TMEM201: variants seen among roughly 807,000 people sequenced by gnomAD.
The protein encoded by TMEM201 is RP13-15M17.2.
Under a neutral mutation model 63.4 loss-of-function variants are expected in TMEM201, and 26 were observed. The ratio of observed to expected loss-of-function variants is 0.41; its 90% CI spans 0.30 to 0.57. The LOEUF (loss-of-function observed/expected upper bound fraction) is 0.57, where lower values mean the gene tolerates loss of function less well. Among genes scored for constraint, TMEM201 ranks in the 20% least tolerant of loss-of-function variants. TMEM201 has a pLI of 0.29. For missense variants in TMEM201, 794 were observed against 917.7 expected (o/e 0.87, Z 1.74); for synonymous variants, 417 against 421.6 (o/e 0.99, Z 0.14).
In TMEM201 at chr1:9,610,285, G is replaced by A. The variant is rs1557562679; in HGVS notation, c.1466-221G>A. On this transcript the variant is annotated intron_variant, in intron 8 of 10. Coordinates refer to ENST00000340381, the MANE Select transcript of TMEM201 (RefSeq NM_001130924.3). The surrounding 1 kb of genome is among the most constrained non-coding windows in gnomAD (Gnocchi z 4.9). ...CTTTGGATGGAAATCAAGGGCAGAA[G>A]GCCATGGCTGAGGCTCCGGGATCTC... Among the ~76,000 whole-genome samples the A allele has an allele frequency of 6.6e-6, 1 of 152,154 alleles. No individual in the cohort carries two copies. Among genetic ancestry groups the A allele is most frequent in the Non-Finnish European group, 1.5e-5 (1 of 68,020 alleles).
chr1:9,602,643 G>C, intron 6 of TMEM201: 2 of 1,170,146 alleles, frequency 1.7e-6, no homozygotes, highest in Admixed American at 7.7e-5. Context: ...CACGCCGTTT[G>C]CTGGCTCTGA....
rs1242560136 is a variant in TMEM201 at position 9,604,217 on chromosome 1, A to G, written c.1160+1945A>G. On this transcript the variant is annotated intron_variant, in intron 6 of 10. Coordinates refer to ENST00000340381, the MANE Select transcript of TMEM201 (RefSeq NM_001130924.3). The surrounding 1 kb of genome is among the most constrained non-coding windows in gnomAD (Gnocchi z 4.1). ...TCTTGGCGTTGGGTAGAAGCAGGAC[A>G]TCTGTGTGTATGTGCGTATTTAAAT... The G allele has an allele frequency of 7.1e-6, 7 of 985,304 alleles. No individual in the cohort carries two copies. Among genetic ancestry groups the G allele is most frequent in the Non-Finnish European group, 8.4e-6 (7 of 829,930 alleles). 61.0% of individuals were successfully genotyped at this position (985,304 alleles called of 1,614,324 possible).
chr1:9,611,762 C>T lies in TMEM201; in HGVS notation c.1775C>T (p.Ser592Phe). 6.4e-7 allele frequency: 1 copy of T among 1,551,384 alleles called. No individual in the cohort carries two copies. Among genetic ancestry groups the T allele is most frequent in the Non-Finnish European group, 8.7e-7 (1 of 1,147,076 alleles). The part of the protein sequence containing the change: ...QDVKHALDLR[S>F]KLERGSACSN... ...ACCCTTCTCTCTGCAGACCTGAGAT[C>T]CAAGCTGGAAAGAGGCAGTGCCTGC... The change falls in exon 10 of 11, where the codon TCC (serine) becomes TTC (phenylalanine). Residue 592 changes from serine to phenylalanine, a missense_variant. Transcript: ENST00000340381.
chr1:9,597,287 T>C (rs1481367079), intron 3 of TMEM201, among the ~76,000 whole-genome samples: 5 of 152,210 alleles, frequency 3.3e-5, no homozygotes, highest in African/African-American at 1.2e-4. Context: ...TCTCCCCATG[T>C]CTTACAGTCA....
Position 9,610,540 on chromosome 1 carries a change from CTCCCCACTCCCT to C in TMEM201, c.1507_1518del (p.Leu503_Pro506del). ...CTCTTCTGTCGGGGAGCTGCCCCTC[CTCCCCACTCCCT>C]TCCCCAGCGCCTTCCGTGGCCGGCT... On this transcript the variant is annotated inframe_deletion, in exon 9 of 11. Transcript: ENST00000340381. This position sits in a 1 kb window ranked among gnomAD's most constrained non-coding sequence, Gnocchi z 4.9. The C allele has an allele frequency of 1.3e-6, 2 of 1,542,404 alleles. No individual in the cohort carries two copies. Among genetic ancestry groups the C allele is most frequent in the East Asian group, 2.5e-5 (1 of 40,646 alleles).
chr1:9,613,200 C>A lies in TMEM201; in HGVS notation c.*117C>A. On this transcript the variant is annotated 3_prime_UTR_variant, in exon 11 of 11. Transcript: ENST00000340381. The stretch of plus-strand genomic sequence containing the variant: ...TCTGCCCTCATCTCCAGGGCCTTGA[C>A]CTCACTGGACTGTGACTGTCCTCAG... 1.1e-6 allele frequency: 1 copy of A among 923,900 alleles called. No homozygotes were observed. The allele number at this position is 923,900 out of a possible 1,614,324, so 57.2% of individuals were successfully genotyped here.
Position 9,605,169 on chromosome 1 carries a change from CGTG to C in TMEM201, c.1161-2385_1161-2383del. 6.6e-6 allele frequency among the ~76,000 whole-genome samples: 1 copy of C among 152,314 alleles called. No individual in the cohort carries two copies. Among genetic ancestry groups the C allele is most frequent in the Admixed American group, 6.5e-5 (1 of 15,306 alleles). ...CGTCTCAATAAACTGTTGCTTAAAACGTGGTCTCTCTCCTTCCACTCCTGATGT... is the reference window on the plus strand; with the variant it reads ...CGTCTCAATAAACTGTTGCTTAAAACGTCTCTCTCCTTCCACTCCTGATGT... On this transcript the variant is annotated intron_variant, in intron 6 of 10. Transcript: ENST00000340381. This position sits in a 1 kb window ranked among gnomAD's most constrained non-coding sequence, Gnocchi z 5.7.
chr1:9,607,563 C>T lies in TMEM201; in HGVS notation c.1167C>T (p.Phe389=), dbSNP rs1156630867. 6.5e-7 allele frequency: 1 copy of T among 1,548,974 alleles called. No homozygotes were observed. The highest frequency in any genetic ancestry group is 8.7e-7 in the Non-Finnish European group (1 of 1,145,640). ...GPRRFRPRRF[F]PGDSAGLFPT... ...GCCTGACGGGCCCTTGCAGGTTCTT[C>T]CCAGGAGACTCTGCCGGCCTTTTCC... Residue 389 remains phenylalanine, a synonymous_variant, in exon 7 of 11, where the codon TTC becomes TTT. Coordinates refer to ENST00000340381, the MANE Select transcript of TMEM201 (RefSeq NM_001130924.3). This position sits in a 1 kb window ranked among gnomAD's most constrained non-coding sequence, Gnocchi z 5.4.
rs1644139388 is a variant in TMEM201, at chr1:9,601,413, A to C, written c.915A>C (p.Leu305=). Residue 305 remains leucine (L), a synonymous_variant, in exon 5 of 11, where the codon CTA becomes CTC. Transcript: ENST00000340381. ...AGACGGGCGTCGTGGCACTGGGCCT[A>C]CTCACCTGCCTGCTGGCAATGCTGC... is the stretch of plus-strand genomic sequence containing the variant. ...SHQTGVVALG[L]LTCLLAMLLA... The C allele has an allele frequency of 1.3e-6, 2 of 1,597,944 alleles. No individual in the cohort carries two copies. Among genetic ancestry groups the C allele is most frequent in the Non-Finnish European group, 1.7e-6 (2 of 1,176,872 alleles).
At chr1:9,598,658 G>C in intron 4 of TMEM201, 33 bp downstream of exon 4, 1 of 1,591,352 alleles carries the variant, frequency 6.3e-7, no homozygotes, top group Non-Finnish European at 8.6e-7. Flanking sequence ...CGGGGGTGGG[G>C]GTGTTGAGTT....
chr1:9,612,903 A>T, intron 10 of TMEM201, 83 bp from the exon 11 acceptor site: 1 of 1,241,086 alleles, frequency 8.1e-7, no homozygotes, highest in Non-Finnish European at 1.2e-6. Flanking sequence ...GCTCCCCACA[A>T]ACTGCATGCT....
intron 1 of TMEM201, 82 bp from the exon 2 acceptor site, chr1:9,595,808 G>A (rs1254055353): frequency 2.5e-6 from 4 of 1,583,046 alleles, no homozygotes; most frequent in Non-Finnish European, 3.4e-6. Context: ...TTTCCCTGGT[G>A]GCCCTGGGGC....
At chr1:9,601,580 T>C (rs1557555723) in intron 5 of TMEM201, 126 bp downstream of exon 5, 1 of 960,552 alleles carries the variant, frequency 1.0e-6, no homozygotes, top group Non-Finnish European at 1.5e-6. Context: ...ATGTCACTGG[T>C]ACAAGGCTTG....
At chr1:9,597,720 C>T (rs1282718348) in intron 3 of TMEM201, among the ~76,000 whole-genome samples, 3 of 152,144 alleles carry the variant, frequency 2.0e-5, no homozygotes, top group Admixed American at 6.5e-5. Context: ...TGGGGTCCAG[C>T]CTGGGAGGGA....
intron 10 of TMEM201, among the ~76,000 whole-genome samples, 181 bp from the exon 11 acceptor site, chr1:9,612,805 G>A (rs1281965528): frequency 3.3e-5 from 5 of 152,228 alleles, no homozygotes; most frequent in African/African-American, 1.2e-4. Context: ...GGGAGTGGGG[G>A]TCTTTCCTGC....
At chr1:9,593,352 G>A (rs925447251) in intron 1 of TMEM201, among the ~76,000 whole-genome samples, 6 of 152,186 alleles carry the variant, frequency 3.9e-5, no homozygotes, top group Admixed American at 1.3e-4. Flanking sequence ...CCTGCCTCTT[G>A]GGACCTTTCA....
intron 1 of TMEM201, among the ~76,000 whole-genome samples, chr1:9,591,824 AC>A (rs1643926796): frequency 6.6e-6 from 1 of 151,852 alleles, no homozygotes; most frequent in African/African-American, 2.4e-5. Flanking sequence ...CAACCGCCGC[AC>A]CCCGGGCATA....
chr1:9,596,064 A>G, intron 2 of TMEM201, 54 bp downstream of exon 2: 1 of 1,591,530 alleles, frequency 6.3e-7, no homozygotes, highest in African/African-American at 1.3e-5. Flanking sequence ...GGATCTTGAG[A>G]TTTGCACCTT....
chr1:9,601,919 T>G, intron 5 of TMEM201, 150 bp from the exon 6 acceptor site: 3 of 878,476 alleles, frequency 3.4e-6, no homozygotes, highest in Non-Finnish European at 5.0e-6. Flanking sequence ...CCAGGTAGCG[T>G]GTGAGTGTGA....
Sources: gnomAD v4.1 joint callset for allele counts (sites outside exome capture counted in the v4.1 genomes callset) on GRCh38, gnomAD v4.1.1 for gene constraint, Gnocchi (gnomAD v3.1) non-coding constraint, MANE v1.5 for transcripts, NCBI Gene and HGNC (gene_info 2026-07-23, HGNC 2026-07-21) for gene names.